The following USH2A variants were observed in gnomAD, a reference collection of about 807,000 sequenced individuals.
The protein encoded by USH2A is usherin, also known as Usher syndrome 2A (autosomal recessive, mild).
USH2A carries 443 observed loss-of-function variants against 538.9 expected under a neutral mutation model. The observed-to-expected ratio is 0.82, with a 90% CI of 0.76 to 0.89. The LOEUF is 0.89. Ranked by LOEUF, USH2A falls within the 40% of genes least tolerant of loss-of-function variation. The pLI is 0.00. For missense variants in USH2A, 6,633 were observed against 6,324.8 expected, an observed-to-expected ratio of 1.05 and a Z score of -1.65; for synonymous variants, 2,413 against 2,273.5, an observed-to-expected ratio of 1.06 and a Z score of -1.75.
chr1:215,766,734 C>T lies in USH2A; in HGVS notation c.10994G>A (p.Gly3665Glu), dbSNP rs1400410579. 1 of 1,613,468 alleles carries T rather than the reference C, an allele frequency of 6.2e-7. No homozygotes were observed. Among genetic ancestry groups the T allele is most frequent in the Non-Finnish European group, 8.5e-7 (1 of 1,179,664 alleles). The part of the protein sequence containing the change: ...SFTLTACTSA[G>E]CTSSEPFLGQ... ...TAGAAAAGGCTCGCTTGAAGTGCAC[C>T]CAGCAGATGTACAAGCTGTAAGAGT... The change falls in exon 56 of 72, where the codon GGG (glycine) becomes GAG (glutamate). Residue 3665 changes from glycine (G) to glutamate (E), a missense_variant. Transcript: ENST00000307340.
chr1:216,377,805 TAAAAAGAAAGAAAGA>T (rs1259155488), intron 3 of USH2A, among the ~76,000 whole-genome samples: 2 of 9,050 alleles, frequency 2.2e-4, no homozygotes, highest in African/African-American at 5.5e-4. Context: ...AGGAAAGAAA[TAAAAAGAAAGAAAGA>T]AAGAAAGAAA....
In USH2A at chr1:215,879,067, C is replaced by T; in HGVS notation, c.8255G>A (p.Gly2752Glu). The change falls in exon 42 of 72, where the codon GGA becomes GAA. Residue 2752 changes from glycine (G) to glutamate (E), a missense_variant. Gly to Glu is a moderately conservative substitution (Grantham distance 98). Transcript: ENST00000307340. Reference protein sequence around the residue: ...VTWKPPLIQNGDILSYEIHMP... With the variant: ...VTWKPPLIQNEDILSYEIHMP... The stretch of plus-strand genomic sequence containing the variant: ...GTGAATCTCATAGCTAAGTATGTCT[C>T]CGTTCTGGATGAGTGGGGGTTTCCA... 1.2e-6 allele frequency: 2 copies of T among 1,613,880 alleles called. No homozygotes were observed. Among genetic ancestry groups the T allele is most frequent in the Non-Finnish European group, 1.7e-6 (2 of 1,179,928 alleles).
chr1:216,093,568 C>A (rs2032357464), intron 22 of USH2A, among the ~76,000 whole-genome samples: 1 of 152,156 alleles, frequency 6.6e-6, no homozygotes, highest in Non-Finnish European at 1.5e-5. Context: ...AGCAGTTTGA[C>A]CCCTTTACCC....
chr1:216,047,264 G>A (rs75055587), intron 31 of USH2A, among the ~76,000 whole-genome samples: 1 of 152,080 alleles, frequency 6.6e-6, no homozygotes, highest in African/African-American at 2.4e-5. Context: ...TCTCTCTGGG[G>A]CTTAGCTTGA....
At chr1:215,657,230 C>A (rs1386282405) in intron 64 of USH2A, among the ~76,000 whole-genome samples, 1 of 152,218 alleles carries the variant, frequency 6.6e-6, no homozygotes, top group African/African-American at 2.4e-5. Context: ...CATATCAATT[C>A]ATCTACAACC....
intron 61 of USH2A, among the ~76,000 whole-genome samples, chr1:215,693,086 A>G (rs1658670765): frequency 1.4e-5 from 1 of 70,360 alleles, no homozygotes; most frequent in South Asian, 8.6e-4. Flanking sequence ...GTATATATAT[A>G]TATATATGTG....
intron 3 of USH2A, among the ~76,000 whole-genome samples, chr1:216,389,882 A>C (rs1382751810): frequency 6.6e-6 from 1 of 152,142 alleles, no homozygotes; most frequent in Non-Finnish European, 1.5e-5. Flanking sequence ...ATAGCCATGC[A>C]TTTCTACTAA....
rs201731826 is a variant in USH2A at position 215,934,710 on chromosome 1, C to T, written c.7206G>A (p.Leu2402=). Residue 2402 remains leucine, a synonymous_variant, in exon 38 of 72, where the codon CTG becomes CTA. Coordinates refer to ENST00000307340, the MANE Select transcript of USH2A (RefSeq NM_206933.4). ...GTACAGTATAGTTGGTAAAAGGAACCAGCCCATCGATGAGCACCCAAAGGT... is the reference window on the plus strand; with the variant it reads ...GTACAGTATAGTTGGTAAAAGGAACTAGCCCATCGATGAGCACCCAAAGGT... ...ETNLWVLIDG[L]VPFTNYTVQV... is the part of the protein sequence containing the mutation. The T allele has an allele frequency of 2.1e-5, 34 of 1,612,782 alleles. No homozygotes were observed. The East Asian group carries it at 7.6e-4, about 36-fold the overall frequency.
chr1:216,123,134 A>T (rs906014804), intron 21 of USH2A, among the ~76,000 whole-genome samples: 3 of 152,208 alleles, frequency 2.0e-5, no homozygotes, highest in African/African-American at 7.2e-5. Context: ...ATTATCCAAT[A>T]CTAGAAAAGT....
At chr1:216,214,974 T>C (rs1330831548) in intron 15 of USH2A, among the ~76,000 whole-genome samples, 1 of 152,034 alleles carries the variant, frequency 6.6e-6, no homozygotes, top group Non-Finnish European at 1.5e-5. Flanking sequence ...TAATTCTTGT[T>C]TTGCTTCCTA....
intron 48 of USH2A, among the ~76,000 whole-genome samples, chr1:215,815,287 T>C (rs2102794815): frequency 6.6e-6 from 1 of 152,230 alleles, no homozygotes; most frequent in Non-Finnish European, 1.5e-5. Flanking sequence ...AATAACCAAA[T>C]GTGATGTTTC....
intron 61 of USH2A, among the ~76,000 whole-genome samples, chr1:215,720,775 G>A (rs1571619720): frequency 6.6e-6 from 1 of 152,126 alleles, no homozygotes; most frequent in African/African-American, 2.4e-5. Context: ...GCCAGAGAGT[G>A]TATTGCCTGC....
At chr1:216,363,733 A>C (rs1341993041) in intron 4 of USH2A, among the ~76,000 whole-genome samples, 1 of 152,068 alleles carries the variant, frequency 6.6e-6, no homozygotes, top group African/African-American at 2.4e-5. Flanking sequence ...CAACTATACA[A>C]TTGCATAGAA....
At chr1:215,686,610 T>G (rs1658430575) in intron 61 of USH2A, among the ~76,000 whole-genome samples, 1 of 152,012 alleles carries the variant, frequency 6.6e-6, no homozygotes, top group Admixed American at 6.6e-5. Context: ...GGCAAAAAAT[T>G]TAAGACCTAA....
chr1:215,844,218 T>A (rs1663775059), intron 46 of USH2A, 76 bp downstream of exon 46: 3 of 1,420,996 alleles, frequency 2.1e-6, no homozygotes, highest in Non-Finnish European at 3.0e-6. Context: ...ACAGAAGATA[T>A]CCACTTGAAG....
chr1:215,911,403 T>C (rs1439480190), intron 38 of USH2A, among the ~76,000 whole-genome samples: 1 of 151,960 alleles, frequency 6.6e-6, no homozygotes, highest in African/African-American at 2.4e-5. Flanking sequence ...TCTAAACCCA[T>C]GAGTTCAATT....
intron 61 of USH2A, among the ~76,000 whole-genome samples, chr1:215,704,124 C>T (rs12404185): frequency 0.14 from 21,022 of 152,230 alleles, 1,612 homozygotes; most frequent in East Asian, 0.31. Context: ...CCTGCTTCTG[C>T]GCCTTCCATG....
intron 21 of USH2A, among the ~76,000 whole-genome samples, chr1:216,114,366 C>A (rs1288568511): frequency 6.6e-6 from 1 of 151,902 alleles, no homozygotes; most frequent in Non-Finnish European, 1.5e-5. Flanking sequence ...TGGGTTATAT[C>A]ATCCAGAACA....
intron 65 of USH2A, 151 bp downstream of exon 65, chr1:215,650,441 A>G: frequency 1.1e-6 from 1 of 897,282 alleles, no homozygotes; most frequent in Non-Finnish European, 1.8e-6. Context: ...TTCTTCTCTG[A>G]GGGATATTTG....
Sources: gnomAD v4.1 joint callset for allele counts (sites outside exome capture counted in the v4.1 genomes callset) on GRCh38, gnomAD v4.1.1 for gene constraint, MANE v1.5 for transcripts, NCBI Gene and HGNC (gene_info 2026-07-23, HGNC 2026-07-21) for gene names.